AGBL4: variants seen among roughly 807,000 people sequenced by gnomAD.
AGBL4 encodes the protein AGBL carboxypeptidase 4.
Under a neutral mutation model 66.4 loss-of-function variants are expected in AGBL4, and 58 were observed. The ratio of observed to expected loss-of-function variants is 0.87; its 90% CI spans 0.71 to 1.09. AGBL4 has a LOEUF of 1.09. AGBL4 is among the 50% of genes least tolerant of loss of function. AGBL4 has a pLI of 0.00. For synonymous variants in AGBL4, 234 were observed against 222.9 expected, an observed-to-expected ratio of 1.05 and a Z score of -0.44; for missense variants, 579 against 631.0, an observed-to-expected ratio of 0.92 and a Z score of 0.88.
chr1:49,595,993 A>G (rs891542032), intron 3 of AGBL4, among the ~76,000 whole-genome samples: 1 of 152,118 alleles, frequency 6.6e-6, no homozygotes, highest in African/African-American at 2.4e-5. Context: ...CTCCCCACCC[A>G]GAGACTGCCA....
intron 3 of AGBL4, among the ~76,000 whole-genome samples, chr1:49,566,044 ATTCATTTCG>A (rs1644193645): frequency 6.6e-6 from 1 of 151,930 alleles, no homozygotes; most frequent in African/African-American, 2.4e-5. Context: ...GCTTCATTTC[ATTCATTTCG>A]TCTTCCATCG....
At chr1:49,541,387 G>T (rs969599423) in intron 3 of AGBL4, among the ~76,000 whole-genome samples, 7 of 152,204 alleles carry the variant, frequency 4.6e-5, no homozygotes, top group Non-Finnish European at 1.0e-4. Flanking sequence ...GCCAGCATGA[G>T]TTCCAGGTGG....
At chr1:48,828,349 A>T (rs892527050) in intron 6 of AGBL4, among the ~76,000 whole-genome samples, 1 of 152,106 alleles carries the variant, frequency 6.6e-6, no homozygotes, top group African/African-American at 2.4e-5. Flanking sequence ...CACTTGCTGG[A>T]TAGAGCCATG....
chr1:48,772,534 G>C (rs1047983044), intron 6 of AGBL4, among the ~76,000 whole-genome samples: 3 of 152,188 alleles, frequency 2.0e-5, no homozygotes, highest in Admixed American at 6.5e-5. Flanking sequence ...CAGGGAAAGG[G>C]GAAGAGAGAG....
chr1:49,458,403 T>G (rs1646437089), intron 3 of AGBL4, among the ~76,000 whole-genome samples: 1 of 151,850 alleles, frequency 6.6e-6, no homozygotes. Flanking sequence ...ACTAATTTGG[T>G]ATCCTGAAAC....
intron 4 of AGBL4, among the ~76,000 whole-genome samples, chr1:49,175,690 A>G (rs1646817787): frequency 6.6e-6 from 1 of 152,182 alleles, no homozygotes. Flanking sequence ...CTTTCTATAT[A>G]CAATGAGACT....
chr1:49,535,853 G>A (rs1190618704), intron 3 of AGBL4, among the ~76,000 whole-genome samples: 3 of 151,880 alleles, frequency 2.0e-5, no homozygotes, highest in East Asian at 1.9e-4. Context: ...CACCACACCC[G>A]GCTAATTTTT....
intron 6 of AGBL4, among the ~76,000 whole-genome samples, chr1:48,741,748 A>G (rs1649942272): frequency 6.6e-6 from 1 of 152,228 alleles, no homozygotes; most frequent in South Asian, 2.1e-4. Context: ...TTGAAGCATG[A>G]GGCAAGAAAA....
At chr1:49,846,771 A>G (rs1646157087) in intron 2 of AGBL4, among the ~76,000 whole-genome samples, 1 of 152,238 alleles carries the variant, frequency 6.6e-6, no homozygotes, top group Non-Finnish European at 1.5e-5. Context: ...GGATGAAAAA[A>G]ATATAGATGA....
intron 6 of AGBL4, among the ~76,000 whole-genome samples, chr1:48,714,042 T>G (rs994423209): frequency 1.7e-4 from 26 of 152,276 alleles, no homozygotes; most frequent in African/African-American, 6.3e-4. Flanking sequence ...GTACATCTCA[T>G]TACTATAACA....
At chr1:49,105,524 C>T (rs928835990) in intron 4 of AGBL4, among the ~76,000 whole-genome samples, 10 of 152,056 alleles carry the variant, frequency 6.6e-5, no homozygotes, top group African/African-American at 2.2e-4. Context: ...TATCCTGGTC[C>T]CAATACCATC....
chr1:49,264,900 C>T (rs1323189270), intron 3 of AGBL4, among the ~76,000 whole-genome samples: 1 of 152,180 alleles, frequency 6.6e-6, no homozygotes, highest in African/African-American at 2.4e-5. Context: ...TATATTATGG[C>T]AAATCTCTAG....
At chr1:49,525,641 T>A (rs893858537) in intron 3 of AGBL4, among the ~76,000 whole-genome samples, 1 of 151,884 alleles carries the variant, frequency 6.6e-6, no homozygotes, top group Non-Finnish European at 1.5e-5. Context: ...CTAGATCTTA[T>A]GTAAAAGGGG....
chr1:48,668,397 A>G, intron 6 of AGBL4, among the ~76,000 whole-genome samples: 1 of 146,654 alleles, frequency 6.8e-6, no homozygotes, highest in East Asian at 2.0e-4. Flanking sequence ...GCAGTGCTCT[A>G]TTGTTTGCAG....
intron 1 of AGBL4, among the ~76,000 whole-genome samples, chr1:49,939,014 C>A (rs367844757): frequency 6.6e-6 from 1 of 152,002 alleles, no homozygotes; most frequent in Admixed American, 6.6e-5. Context: ...TCTCAGGATA[C>A]AAAATCAATG....
At chr1:49,734,383 C>A (rs905318358) in intron 2 of AGBL4, among the ~76,000 whole-genome samples, 13 of 151,776 alleles carry the variant, frequency 8.6e-5, no homozygotes, top group African/African-American at 3.1e-4. Context: ...ATGATGTGAT[C>A]CTATATTTGG....
chr1:50,014,132 G>C (rs1661755090), intron 1 of AGBL4, among the ~76,000 whole-genome samples: 1 of 152,122 alleles, frequency 6.6e-6, no homozygotes, highest in South Asian at 2.1e-4. Flanking sequence ...CAACACTTTG[G>C]GAGGCTGAGG....
intron 3 of AGBL4, among the ~76,000 whole-genome samples, chr1:49,397,685 T>C (rs1645001156): frequency 6.6e-6 from 1 of 152,204 alleles, no homozygotes; most frequent in Non-Finnish European, 1.5e-5. Context: ...TGTTTTTACC[T>C]TATTTCACCT....
At chr1:49,300,840 T>C (rs1480862551) in intron 3 of AGBL4, among the ~76,000 whole-genome samples, 2 of 152,222 alleles carry the variant, frequency 1.3e-5, no homozygotes, top group Non-Finnish European at 2.9e-5. Flanking sequence ...TGGCTAATTA[T>C]ATTGTAATCC....
Sources: allele counts gnomAD v4.1 joint callset (sites outside exome capture counted in the v4.1 genomes callset), GRCh38; gene constraint gnomAD v4.1.1; transcripts MANE v1.5; gene names NCBI Gene and HGNC (gene_info 2026-07-23, HGNC 2026-07-21).